CFAP97: variants seen among roughly 807,000 people sequenced by gnomAD.
The protein encoded by CFAP97 is cilia- and flagella-associated protein 97.
Under a neutral mutation model 43.1 loss-of-function variants are expected in CFAP97, and 36 were observed. The ratio of observed to expected loss-of-function variants is 0.84; its 90% CI spans 0.64 to 1.10. The LOEUF (loss-of-function observed/expected upper bound fraction) is 1.10, where lower values mean the gene tolerates loss of function less well. CFAP97 is among the 50% of genes least tolerant of loss of function. The probability of loss-of-function intolerance (pLI) is 0.00; values close to 1 mark genes in which losing one functional copy is unlikely to be tolerated. For synonymous variants in CFAP97, 228 were observed against 225.7 expected (o/e 1.01, Z -0.09); for missense variants, 657 against 620.3 (o/e 1.06, Z -0.63).
At chr4:185,206,093 T>G (rs557512271), upstream of CFAP97, among the ~76,000 whole-genome samples, 1 of 152,034 alleles carries the variant, frequency 6.6e-6, no homozygotes, top group Non-Finnish European at 1.5e-5. Context: ...CTGTGGAAAA[T>G]AGTATGGCAT....
chr4:185,193,314 A>G (rs3108231), intron 1 of CFAP97, among the ~76,000 whole-genome samples: 76,715 of 152,102 alleles, frequency 0.5, 19,595 homozygotes, highest in East Asian at 0.6. Context: ...ATGAGTACAC[A>G]TTGATAGTCA....
chr4:185,160,445 TTAAG>T lies in CFAP97; in HGVS notation c.*2349_*2352del, dbSNP rs1262095830. On this transcript the variant is annotated 3_prime_UTR_variant, in exon 5 of 5. Transcript: ENST00000458385. ...CCTTGAAATGAGAAGAGTAATGTAC[TTAAG>T]TAATTCCTTCTTAAGAATGTCCCTT... The T allele has an allele frequency of 6.6e-6, 1 of 152,156 alleles. No homozygotes were observed. The highest frequency in any genetic ancestry group is 1.9e-4 in the East Asian group (1 of 5,200). 9.4% of individuals were successfully genotyped at this position (152,156 alleles called of 1,614,324 possible).
chr4:185,170,475 C>T (rs1735254425), intron 3 of CFAP97: 3 of 366,674 alleles, frequency 8.2e-6, no homozygotes, highest in Non-Finnish European at 1.5e-5. Context: ...TGCCTCACTG[C>T]AACCTCTGCT....
rs73021792 is a variant in CFAP97 at position 185,196,153 on chromosome 4, C to T, written c.-16-4941G>A. ...TAGCTCATGTCCATCATTAAACTGA[C>T]GAAGTAGAACACAGTGTAATAATCA... is the stretch of plus-strand genomic sequence containing the variant. On this transcript the variant is annotated intron_variant, in intron 1 of 4. Transcript: ENST00000458385. Among the ~76,000 whole-genome samples the T allele has an allele frequency of 8.9e-3, 1,351 of 152,256 alleles. 22 individuals carry two copies. The highest frequency in any genetic ancestry group is 0.031 in the African/African-American group (1,270 of 41,550).
intron 1 of CFAP97, among the ~76,000 whole-genome samples, chr4:185,194,936 T>C (rs1222592768): frequency 6.6e-6 from 1 of 152,148 alleles, no homozygotes; most frequent in African/African-American, 2.4e-5. Flanking sequence ...TGCTCAGTGG[T>C]TGAAACGAAT....
At chr4:185,167,823 C>T (rs891950102) in intron 3 of CFAP97, among the ~76,000 whole-genome samples, 5 of 140,884 alleles carry the variant, frequency 3.5e-5, no homozygotes, top group East Asian at 2.0e-4. Flanking sequence ...GGTGAAACCC[C>T]ATCTCTACTA....
At chr4:185,174,632 GTTCA>G (rs1236157738) in intron 3 of CFAP97, among the ~76,000 whole-genome samples, 2 of 152,154 alleles carry the variant, frequency 1.3e-5, no homozygotes, top group Non-Finnish European at 2.9e-5. Context: ...GAGTTTACGT[GTTCA>G]TTAAGGGTCT....
intron 1 of CFAP97, among the ~76,000 whole-genome samples, chr4:185,200,026 A>G (rs2111423926): frequency 6.6e-6 from 1 of 152,382 alleles, no homozygotes; most frequent in East Asian, 1.9e-4. Flanking sequence ...GTCACAGATA[A>G]TAATTCCTCT....
chr4:185,197,717 C>T (rs367598393), intron 1 of CFAP97, among the ~76,000 whole-genome samples: 73 of 152,160 alleles, frequency 4.8e-4, no homozygotes, highest in South Asian at 3.9e-3. Context: ...TGAGCCACCG[C>T]GAAAAGTTTA....
intron 3 of CFAP97, among the ~76,000 whole-genome samples, chr4:185,170,976 T>A (rs1735276675): frequency 3.1e-5 from 2 of 65,034 alleles, no homozygotes; most frequent in African/African-American, 7.0e-5. Flanking sequence ...AAAGCAAGAC[T>A]TTGTCTCAAA....
intron 2 of CFAP97, among the ~76,000 whole-genome samples, chr4:185,181,623 C>T (rs757861424): frequency 1.3e-5 from 2 of 152,168 alleles, no homozygotes. Context: ...CCACACCCAG[C>T]CGGCATAGTC....
chr4:185,167,931 G>A lies in CFAP97; in HGVS notation c.1321-3752C>T, dbSNP rs1560854821. On this transcript the variant is annotated intron_variant, in intron 3 of 4. Coordinates refer to ENST00000458385, the MANE Select transcript of CFAP97 (RefSeq NM_020827.3). ...TGAGAATCACTTGAACCTGGAAGGC[G>A]GAGGTTGCAGTGAACCGAGACTGTG... Among the ~76,000 whole-genome samples the A allele has an allele frequency of 4.0e-5, 6 of 150,646 alleles. No homozygotes were observed. In the South Asian group the frequency reaches 6.4e-4, roughly 16 times the overall value.
In CFAP97 at chr4:185,159,729, T is replaced by C. The variant is rs573759447; in HGVS notation, c.*3069A>G. 1 of 152,298 alleles carries C rather than the reference T, an allele frequency of 6.6e-6. No homozygotes were observed. The highest frequency in any genetic ancestry group is 6.5e-5 in the Admixed American group (1 of 15,288). The allele number at this position is 152,298 out of a possible 1,614,324, so 9.4% of individuals were successfully genotyped here. On this transcript the variant is annotated 3_prime_UTR_variant, in exon 5 of 5. Transcript: ENST00000458385. ...GCTAGTTCTAAATGCCTAAAATACA[T>C]TAAAATGGAACAGAAAATCTTAAAA...
chr4:185,209,789 C>T (rs915177392), upstream of CFAP97: 201 of 983,582 alleles, frequency 2.0e-4, 1 homozygote, highest in Non-Finnish European at 2.3e-4. This position sits in a 1 kb window ranked among gnomAD's most constrained non-coding sequence, Gnocchi z 5.2. Flanking sequence ...GACCGGGGGG[C>T]AGGAGATGTG....
chr4:185,202,317 G>A (rs919032461), intron 1 of CFAP97, among the ~76,000 whole-genome samples: 5 of 152,186 alleles, frequency 3.3e-5, no homozygotes, highest in African/African-American at 1.2e-4. Flanking sequence ...GGGAGGCCCA[G>A]GCAGGCAGAC....
Position 185,160,995 on chromosome 4 carries a change from A to T in CFAP97, c.*1803T>A, listed in dbSNP as rs1050700591. ...CAATTTTAAAAAAACTGATTAATTC[A>T]CTATTGGACAGATGTTCAAATGCTA... On this transcript the variant is annotated 3_prime_UTR_variant, in exon 5 of 5. Transcript: ENST00000458385. 6.6e-6 allele frequency: 1 copy of T among 151,012 alleles called. No individual in the cohort carries two copies. The highest frequency in any genetic ancestry group is 1.5e-5 in the Non-Finnish European group (1 of 67,758). The allele number at this position is 151,012 out of a possible 1,614,324, so 9.4% of individuals were successfully genotyped here.
At chr4:185,187,891 ATAT>A (rs1342547451) in intron 2 of CFAP97, among the ~76,000 whole-genome samples, 3 of 152,038 alleles carry the variant, frequency 2.0e-5, no homozygotes, top group Non-Finnish European at 4.4e-5. Context: ...AGGAATTCAG[ATAT>A]TATTACTATT....
chr4:185,195,469 C>A (rs1305154228), intron 1 of CFAP97, among the ~76,000 whole-genome samples: 1 of 152,132 alleles, frequency 6.6e-6, no homozygotes, highest in Non-Finnish European at 1.5e-5. Context: ...GGCTACAGGG[C>A]AAGACCTTGT....
rs1560849255 is a variant in CFAP97 at position 185,159,677 on chromosome 4, CTT to C, written c.*3119_*3120del. The C allele has an allele frequency of 6.6e-6, 1 of 152,062 alleles. No individual in the cohort carries two copies. The allele number at this position is 152,062 out of a possible 1,614,324, so 9.4% of individuals were successfully genotyped here. A position where few individuals can be genotyped will look rare whatever the true frequency, so the allele number is the denominator to read the frequency against. ...GATCAAAACTCAGTTATCTTTAATT[CTT>C]TTATTTCTTTCTTCATTATGCCAGG... On this transcript the variant is annotated 3_prime_UTR_variant, in exon 5 of 5. Coordinates refer to ENST00000458385, the MANE Select transcript of CFAP97 (RefSeq NM_020827.3).
Sources: gnomAD v4.1 joint callset for allele counts (sites outside exome capture counted in the v4.1 genomes callset) on GRCh38, gnomAD v4.1.1 for gene constraint, Gnocchi (gnomAD v3.1) non-coding constraint, MANE v1.5 for transcripts, NCBI Gene and HGNC (gene_info 2026-07-23, HGNC 2026-07-21) for gene names.